Variants in ETS1 observed in about 807,000 individuals in gnomAD.
The protein encoded by ETS1 is ETS proto-oncogene 1, transcription factor.
ETS1 carries 15 observed loss-of-function variants against 58.6 expected under a neutral mutation model. The observed-to-expected ratio is 0.26, with a 90% CI of 0.17 to 0.39. The LOEUF (loss-of-function observed/expected upper bound fraction) is 0.39, where lower values mean the gene tolerates loss of function less well. ETS1 is among the 10% of genes least tolerant of loss of function. ETS1 has a pLI of 1.00. For synonymous variants in ETS1, 214 were observed against 218.2 expected (o/e 0.98, Z 0.17); for missense variants, 417 against 610.5 (o/e 0.68, Z 3.34).
chr11:128,522,000 C>G lies in ETS1; in HGVS notation c.215-31424G>C, dbSNP rs762799897. On this transcript the variant is annotated intron_variant, in intron 3 of 9. Coordinates refer to ENST00000392668, the MANE Select transcript of ETS1 (RefSeq NM_001143820.2). Reference sequence around the variant, plus strand: ...AGATCGACGGCCGCCTTCATGGTGCCAGGAGTGGGGGACGTACGGGATGGT... The same window carrying G: ...AGATCGACGGCCGCCTTCATGGTGCGAGGAGTGGGGGACGTACGGGATGGT... The G allele has an allele frequency of 3.7e-5, 58 of 1,588,722 alleles. No homozygotes were observed. In the South Asian group the frequency reaches 6.5e-4, roughly 18 times the overall value.
intron 3 of ETS1, among the ~76,000 whole-genome samples, chr11:128,499,559 G>A (rs1274575159): frequency 1.3e-5 from 2 of 152,216 alleles, no homozygotes; most frequent in Admixed American, 6.5e-5. Flanking sequence ...CGCAAGCCAC[G>A]TGTTTTCTCC....
At chr11:128,526,834 T>C in intron 3 of ETS1, 1 of 442,374 alleles carries the variant, frequency 2.3e-6, no homozygotes, top group Admixed American at 2.5e-5. Flanking sequence ...TGTCACATGT[T>C]AGAGCTCAAT....
chr11:128,490,714 ATTT>A (rs35432800), intron 3 of ETS1, 138 bp from the exon 4 acceptor site: 3,541 of 329,046 alleles, frequency 0.011, no homozygotes, highest in South Asian at 0.014. Flanking sequence ...AGAGCAGGCA[ATTT>A]TTTTTTTTTT....
intron 2 of ETS1, among the ~76,000 whole-genome samples, chr11:128,564,243 C>G (rs1363798822): frequency 1.3e-5 from 2 of 152,032 alleles, no homozygotes; most frequent in Non-Finnish European, 2.9e-5. Flanking sequence ...GGTGCAGCCA[C>G]CAGGAGAAGC....
At chr11:128,531,168 C>G (rs1442457939) in intron 3 of ETS1, among the ~76,000 whole-genome samples, 1 of 152,210 alleles carries the variant, frequency 6.6e-6, no homozygotes, top group African/African-American at 2.4e-5. Context: ...AGAGCACAAG[C>G]TTGGCAGTAA....
rs1334616164 is a variant in ETS1, at chr11:128,568,532, C to A, written c.69+4530G>T. 9.2e-5 allele frequency among the ~76,000 whole-genome samples: 14 copies of A among 152,312 alleles called. No individual in the cohort carries two copies. In the East Asian group the frequency reaches 2.1e-3, roughly 23 times the overall value. On this transcript the variant is annotated intron_variant, in intron 2 of 9. Transcript: ENST00000392668. ...AAGGTCATCCCTCCCACACAATGAC[C>A]AGACAACTTCCCAAAGTGTTGCTTC...
At chr11:128,479,858 T>C (rs1340339659) in intron 8 of ETS1, among the ~76,000 whole-genome samples, 3 of 151,942 alleles carry the variant, frequency 2.0e-5, no homozygotes, top group African/African-American at 7.3e-5. Flanking sequence ...AAAAATCCCC[T>C]GATGCCAGGC....
chr11:128,544,991 C>G (rs1864111040), intron 3 of ETS1, among the ~76,000 whole-genome samples: 1 of 142,668 alleles, frequency 7.0e-6, no homozygotes, highest in African/African-American at 2.6e-5. Flanking sequence ...CTCAGTGACT[C>G]TGTCTGCTCA....
At chr11:128,539,301 C>A (rs1864019694) in intron 3 of ETS1, among the ~76,000 whole-genome samples, 1 of 152,116 alleles carries the variant, frequency 6.6e-6, no homozygotes, top group Non-Finnish European at 1.5e-5. Context: ...AAATTATATG[C>A]CCGATAAGGG....
chr11:128,495,965 G>A (rs1040169001), intron 3 of ETS1, among the ~76,000 whole-genome samples: 5 of 151,912 alleles, frequency 3.3e-5, no homozygotes, highest in Admixed American at 6.6e-5. Context: ...AATACTACCC[G>A]TTTTTATTTC....
chr11:128,576,319 A>G (rs1220097875), intron 1 of ETS1, among the ~76,000 whole-genome samples: 5 of 152,240 alleles, frequency 3.3e-5, no homozygotes, highest in Non-Finnish European at 5.9e-5. Context: ...AGAAGAAGTA[A>G]ATGAAGTGTT....
At chr11:128,515,369 G>A (rs1863496689) in intron 3 of ETS1, among the ~76,000 whole-genome samples, 1 of 152,120 alleles carries the variant, frequency 6.6e-6, no homozygotes, top group African/African-American at 2.4e-5. Flanking sequence ...AAGCTACCAA[G>A]AGGTTTCAAA....
chr11:128,528,920 G>A (rs531727346), intron 3 of ETS1: 1 of 152,282 alleles, frequency 6.6e-6, no homozygotes, highest in African/African-American at 2.4e-5. Flanking sequence ...GAGACTTCAT[G>A]TAAAAAATGA....
At chr11:128,524,967 G>A (rs139293201) in intron 3 of ETS1, among the ~76,000 whole-genome samples, 124 of 151,794 alleles carry the variant, frequency 8.2e-4, no homozygotes, top group African/African-American at 2.8e-3. Context: ...GCAGCCAAGC[G>A]TTGCCTTTCA....
At chr11:128,479,765 A>T (rs1280873658) in intron 8 of ETS1, among the ~76,000 whole-genome samples, 1 of 152,118 alleles carries the variant, frequency 6.6e-6, no homozygotes, top group East Asian at 1.9e-4. Flanking sequence ...AGAAGAGTCC[A>T]GTGCGGAGGC....
At chr11:128,544,339 T>TAATATATATATATATA in intron 3 of ETS1, among the ~76,000 whole-genome samples, 1 of 67,210 alleles carries the variant, frequency 1.5e-5, no homozygotes, top group African/African-American at 6.0e-5. Flanking sequence ...AATTGTTTAC[T>TAATATATATATATATA]AATATATATA....
intron 1 of ETS1, among the ~76,000 whole-genome samples, chr11:128,585,166 AAGAG>A (rs1161125864): frequency 8.3e-5 from 2 of 24,204 alleles, no homozygotes. Flanking sequence ...GAAAGAAAGA[AAGAG>A]AAAGAAAGAA....
In ETS1 at chr11:128,520,727, G is replaced by A. The variant is rs571960591; in HGVS notation, c.215-30151C>T. Among the ~76,000 whole-genome samples, 5 of 152,342 alleles carry A rather than the reference G, an allele frequency of 3.3e-5. No homozygotes were observed. In the East Asian group the frequency reaches 9.6e-4, roughly 29 times the overall value. On this transcript the variant is annotated intron_variant, in intron 3 of 9. Coordinates refer to ENST00000392668, the MANE Select transcript of ETS1 (RefSeq NM_001143820.2). ...CTGAATGTCAGGGGACCCAGAGGGA[G>A]GGGACGTGACCTACATGTCTTTATT...
chr11:128,461,261 G>T lies in ETS1; in HGVS notation c.*1100C>A, dbSNP rs1861898580. The T allele has an allele frequency of 6.5e-6, 1 of 152,734 alleles. No individual in the cohort carries two copies. Among genetic ancestry groups the T allele is most frequent in the Non-Finnish European group, 1.5e-5 (1 of 68,030 alleles). The allele number at this position is 152,734 out of a possible 1,614,324, so 9.5% of individuals were successfully genotyped here. ...CAGGACTTATTTCTTAGGACCTGAG[G>T]GGTAATGCCCATGCATACAGCTTTT... On this transcript the variant is annotated 3_prime_UTR_variant, in exon 10 of 10. Coordinates refer to ENST00000392668, the MANE Select transcript of ETS1 (RefSeq NM_001143820.2).
Sources: gnomAD v4.1 joint callset for allele counts (sites outside exome capture counted in the v4.1 genomes callset) on GRCh38, gnomAD v4.1.1 for gene constraint, MANE v1.5 for transcripts, NCBI Gene and HGNC (gene_info 2026-07-23, HGNC 2026-07-21) for gene names.